SHCBP1: variants seen among roughly 807,000 people sequenced by gnomAD.
The protein encoded by SHCBP1 is SHC binding and spindle associated 1.
Under a neutral mutation model 75.1 loss-of-function variants are expected in SHCBP1, and 60 were observed. The observed-to-expected ratio is 0.80, with a 90% CI of 0.65 to 0.99. SHCBP1 has a LOEUF of 0.99. Ranked by LOEUF, SHCBP1 falls within the 50% of genes least tolerant of loss-of-function variation. The pLI is 0.00. For missense variants in SHCBP1, 709 were observed against 809.4 expected, an observed-to-expected ratio of 0.88 and a Z score of 1.50; for synonymous variants, 290 against 293.2, an observed-to-expected ratio of 0.99 and a Z score of 0.11.
chr16:46,611,588 A>C (rs895600844), intron 4 of SHCBP1, among the ~76,000 whole-genome samples: 2 of 152,214 alleles, frequency 1.3e-5, no homozygotes, highest in African/African-American at 4.8e-5. Flanking sequence ...TTCAATGTTT[A>C]AGATTAGAAT....
chr16:46,609,983 T>C (rs914204001), intron 4 of SHCBP1, among the ~76,000 whole-genome samples: 1 of 151,138 alleles, frequency 6.6e-6, no homozygotes, highest in African/African-American at 2.4e-5. Flanking sequence ...GGAGTTTTGC[T>C]CTTGTTGCCC....
chr16:46,611,306 AT>A (rs1231956257), intron 4 of SHCBP1, among the ~76,000 whole-genome samples: 1 of 152,278 alleles, frequency 6.6e-6, no homozygotes, highest in South Asian at 2.1e-4. Flanking sequence ...TCAAACAAAA[AT>A]TCATAAAGTA....
At chr16:46,597,456 A>C (rs1017161060) in intron 9 of SHCBP1, among the ~76,000 whole-genome samples, 1 of 152,234 alleles carries the variant, frequency 6.6e-6, no homozygotes. Flanking sequence ...ATGAGTTTAT[A>C]CTAATGAGTA....
At chr16:46,598,380 A>T (rs1167128093) in intron 9 of SHCBP1, among the ~76,000 whole-genome samples, 1 of 152,222 alleles carries the variant, frequency 6.6e-6, no homozygotes, top group Non-Finnish European at 1.5e-5. Context: ...AGGCATGAAA[A>T]CAACATTAAT....
chr16:46,584,114 G>C lies in SHCBP1; in HGVS notation c.1465-25C>G, dbSNP rs201822977. ...CCTGTGAGTCACAGTTTGAGATAAT[G>C]ACAATCAGTTTTTAAAAGGCAAGAC... is the stretch of plus-strand genomic sequence containing the variant. On this transcript the variant is annotated intron_variant, in intron 10 of 12. Transcript: ENST00000303383. 8.4e-6 allele frequency: 13 copies of C among 1,541,570 alleles called. No homozygotes were observed. The East Asian group carries it at 2.8e-4, about 33-fold the overall frequency.
Position 46,583,561 on chromosome 16 carries a change from T to C in SHCBP1, c.1648A>G (p.Thr550Ala), listed in dbSNP as rs1410140284. ...EGYGVVLVKP[T>A]IFSDLQENAE... Reference sequence around the variant, plus strand: ...TTTTCTTGCAGGTCAGAGAAGATTGTAGGTTTCACCAAGACAACACCATAA... The same window carrying C: ...TTTTCTTGCAGGTCAGAGAAGATTGCAGGTTTCACCAAGACAACACCATAA... The change falls in exon 12 of 13, where the codon ACA (threonine) becomes GCA (alanine). Residue 550 changes from threonine to alanine, a missense_variant. By Grantham distance (58) the Thr-to-Ala change is moderately conservative. Coordinates refer to ENST00000303383, the MANE Select transcript of SHCBP1 (RefSeq NM_024745.5). 5 of 1,610,658 alleles carry C rather than the reference T, an allele frequency of 3.1e-6. No individual in the cohort carries two copies. Among genetic ancestry groups the C allele is most frequent in the Non-Finnish European group, 4.2e-6 (5 of 1,179,300 alleles).
chr16:46,585,523 A>C (rs1171940297), intron 10 of SHCBP1, among the ~76,000 whole-genome samples: 3 of 151,920 alleles, frequency 2.0e-5, no homozygotes, highest in East Asian at 1.9e-4. Flanking sequence ...ACATACACCC[A>C]AAAAAAAGCT....
intron 12 of SHCBP1, among the ~76,000 whole-genome samples, chr16:46,582,442 T>A (rs915118315): frequency 6.6e-6 from 1 of 152,248 alleles, no homozygotes; most frequent in Non-Finnish European, 1.5e-5. Context: ...AATTTTACAA[T>A]GTAATTAAGA....
chr16:46,609,448 T>C (rs942433033), intron 4 of SHCBP1, among the ~76,000 whole-genome samples: 6 of 123,162 alleles, frequency 4.9e-5, no homozygotes, highest in South Asian at 3.1e-4. Flanking sequence ...TTTTCTTTTT[T>C]TTTTTTTTTT....
chr16:46,596,465 C>T (rs1965144514), intron 9 of SHCBP1, among the ~76,000 whole-genome samples: 2 of 151,968 alleles, frequency 1.3e-5, no homozygotes, highest in Admixed American at 6.6e-5. Flanking sequence ...AGAGATCACA[C>T]CACTGCACTC....
At chr16:46,615,283 T>C (rs979743157) in intron 4 of SHCBP1, among the ~76,000 whole-genome samples, 1 of 152,204 alleles carries the variant, frequency 6.6e-6, no homozygotes, top group African/African-American at 2.4e-5. Context: ...AACAGTAAGT[T>C]ATTAGTAGTT....
chr16:46,615,245 T>G (rs1238430511), intron 4 of SHCBP1, among the ~76,000 whole-genome samples: 1 of 152,236 alleles, frequency 6.6e-6, no homozygotes. Flanking sequence ...CAACTATTTA[T>G]GTTAATGGTA....
In SHCBP1 at chr16:46,601,135, C is replaced by A. The variant is rs549082452; in HGVS notation, c.1214-1173G>T. 1.2e-4 allele frequency among the ~76,000 whole-genome samples: 19 copies of A among 152,178 alleles called. No homozygotes were observed. In the East Asian group the frequency reaches 3.7e-3, roughly 29 times the overall value. ...ACCAGCCTGGCCAACATGGAGAAAC[C>A]CTGTCTCTACTAAAACTACAAAAAT... On this transcript the variant is annotated intron_variant, in intron 8 of 12. Transcript: ENST00000303383.
chr16:46,617,372 C>T (rs1211250106), intron 3 of SHCBP1, among the ~76,000 whole-genome samples: 1 of 152,152 alleles, frequency 6.6e-6, no homozygotes, highest in African/African-American at 2.4e-5. Context: ...AAACCATTAA[C>T]TTCATAATTA....
intron 2 of SHCBP1, 44 bp downstream of exon 2, chr16:46,618,161 A>G: frequency 6.5e-7 from 1 of 1,547,878 alleles, no homozygotes; most frequent in Admixed American, 2.1e-5. Context: ...GGACAACAAG[A>G]GCGAAACTCC....
Position 46,603,598 on chromosome 16 carries a change from C to T in SHCBP1, c.1154G>A (p.Cys385Tyr). 1 of 1,614,150 alleles carries T rather than the reference C, an allele frequency of 6.2e-7. No homozygotes were observed. Among genetic ancestry groups the T allele is most frequent in the Non-Finnish European group, 8.5e-7 (1 of 1,180,032 alleles). Residue 385 changes from cysteine (C) to tyrosine (Y), a missense_variant, in exon 8 of 13, where the codon TGT becomes TAT. Coordinates refer to ENST00000303383, the MANE Select transcript of SHCBP1 (RefSeq NM_024745.5). ...GCCATGTACCACATAATGGCCAGGACAAACAATAACAGTGTCACCTTCGAA... is the reference window on the plus strand; with the variant it reads ...GCCATGTACCACATAATGGCCAGGATAAACAATAACAGTGTCACCTTCGAA... ...ACFEGDTVIVCPGHYVVHGTF... is the reference protein window; with the variant it reads ...ACFEGDTVIVYPGHYVVHGTF...
intron 10 of SHCBP1, among the ~76,000 whole-genome samples, chr16:46,592,553 G>A (rs1337412239): frequency 2.6e-5 from 4 of 151,904 alleles, no homozygotes; most frequent in Admixed American, 6.6e-5. Context: ...ACACAATCTC[G>A]TTTACAAAAT....
In SHCBP1 at chr16:46,618,254, A is replaced by T; in HGVS notation, c.222T>A (p.Asn74Lys). The T allele has an allele frequency of 6.2e-7, 1 of 1,613,126 alleles. No homozygotes were observed. The highest frequency in any genetic ancestry group is 8.5e-7 in the Non-Finnish European group (1 of 1,179,758). Residue 74 changes from asparagine (N) to lysine (K), a missense_variant, in exon 2 of 13, where the codon AAT becomes AAA. By Grantham distance (94) the Asn-to-Lys change is moderately conservative. Transcript: ENST00000303383. ...KTFFPEIFQT[N>K]QLLFYERFRA... ...TGAATCGCTCATAGAACAAAAGTTG[A>T]TTTGTTTGGAAAATTTCTGGGAAAA...
At position 46,608,228 on chromosome 16, in the gene SHCBP1, A is replaced by G. The variant is rs896886341; in HGVS notation, c.689+69T>C. ...GTGTGTGTGTGTGTGTGTATCTCACACAGGCAAAATTAAACCATGGGTAAC... is the reference window on the plus strand; with the variant it reads ...GTGTGTGTGTGTGTGTGTATCTCACGCAGGCAAAATTAAACCATGGGTAAC... On this transcript the variant is annotated intron_variant, in intron 5 of 12. Coordinates refer to ENST00000303383, the MANE Select transcript of SHCBP1 (RefSeq NM_024745.5). 4.8e-6 allele frequency: 5 copies of G among 1,045,040 alleles called. No homozygotes were observed. The African/African-American group carries it at 7.8e-5, about 16-fold the overall frequency. The allele number at this position is 1,045,040 out of a possible 1,614,324, so 64.7% of individuals were successfully genotyped here. A position where few individuals can be genotyped will look rare whatever the true frequency, so the allele number is the denominator to read the frequency against.
Sources: gnomAD v4.1 joint callset for allele counts (sites outside exome capture counted in the v4.1 genomes callset) on GRCh38, gnomAD v4.1.1 for gene constraint, MANE v1.5 for transcripts, NCBI Gene and HGNC (gene_info 2026-07-23, HGNC 2026-07-21) for gene names.